ERBB4: variants seen among roughly 807,000 people sequenced by gnomAD.
ERBB4 encodes the protein receptor tyrosine-protein kinase erbB-4.
A neutral mutation model predicts 158.0 loss-of-function variants in ERBB4; 42 were observed. That is an observed-to-expected ratio of 0.27 (90% confidence interval 0.21 to 0.34). The LOEUF (loss-of-function observed/expected upper bound fraction) is 0.34, where lower values mean the gene tolerates loss of function less well. ERBB4 is among the 10% of genes least tolerant of loss of function. The pLI is 1.00. For synonymous variants in ERBB4, 583 were observed against 558.7 expected (o/e 1.04, Z -0.61); for missense variants, 1,333 against 1,624.1 (o/e 0.82, Z 3.08).
At chr2:212,505,687 A>G (rs916808921) in intron 1 of ERBB4, among the ~76,000 whole-genome samples, 4 of 148,856 alleles carry the variant, frequency 2.7e-5, no homozygotes, top group African/African-American at 7.3e-5. Flanking sequence ...GATTGCTGTA[A>G]AAGTAGGGGA....
chr2:212,376,671 T>C (rs908995476), intron 1 of ERBB4, among the ~76,000 whole-genome samples: 1 of 152,014 alleles, frequency 6.6e-6, no homozygotes, highest in African/African-American at 2.4e-5. Flanking sequence ...GGACACTCAT[T>C]TTCTTCAGTT....
chr2:212,101,184 G>C (rs2079070464), intron 2 of ERBB4, among the ~76,000 whole-genome samples: 1 of 151,738 alleles, frequency 6.6e-6, no homozygotes, highest in Non-Finnish European at 1.5e-5. Flanking sequence ...GAAATGATAT[G>C]TATATAATTT....
chr2:212,308,047 CA>C (rs1000142532), intron 1 of ERBB4, among the ~76,000 whole-genome samples: 2 of 150,294 alleles, frequency 1.3e-5, no homozygotes, highest in African/African-American at 4.9e-5. Context: ...TAATTCTCTC[CA>C]AAAAAAATTC....
At chr2:212,175,531 G>T (rs561978496) in intron 1 of ERBB4, among the ~76,000 whole-genome samples, 1 of 151,586 alleles carries the variant, frequency 6.6e-6, no homozygotes, top group Non-Finnish European at 1.5e-5. Context: ...AAAATATTTG[G>T]GTCCCAAAAC....
At chr2:211,759,845 T>A (rs1373962122) in intron 4 of ERBB4, among the ~76,000 whole-genome samples, 5 of 150,830 alleles carry the variant, frequency 3.3e-5, no homozygotes, top group African/African-American at 4.9e-5. Flanking sequence ...GTGTGTTGCA[T>A]TTTAACACGA....
chr2:211,594,280 A>G (rs985946660), intron 19 of ERBB4, among the ~76,000 whole-genome samples: 9 of 152,048 alleles, frequency 5.9e-5, no homozygotes, highest in Admixed American at 1.3e-4. Context: ...CTACTAAAAT[A>G]CAAAAGAAAT....
chr2:211,978,388 G>GTCTTTCTATCTATCTA (rs1230858327), intron 2 of ERBB4, among the ~76,000 whole-genome samples: 7 of 112,482 alleles, frequency 6.2e-5, no homozygotes, highest in East Asian at 2.4e-4. Context: ...CTGTCTGTCT[G>GTCTTTCTATCTATCTA]TCTGTCTGTC....
chr2:212,087,291 G>GA (rs11442275), intron 2 of ERBB4, among the ~76,000 whole-genome samples: 128,590 of 151,948 alleles, frequency 0.85, 55,999 homozygotes, highest in East Asian at 1. Context: ...CACTTCCACA[G>GA]AAAGCAAATA....
chr2:211,409,723 G>A (rs2063219428), intron 25 of ERBB4, among the ~76,000 whole-genome samples: 1 of 152,080 alleles, frequency 6.6e-6, no homozygotes, highest in Non-Finnish European at 1.5e-5. Context: ...TTGACCAGGG[G>A]TGGGGGGAAC....
chr2:211,420,421 T>C lies in ERBB4; in HGVS notation c.3135+20A>G, dbSNP rs763295228. The stretch of plus-strand genomic sequence containing the variant: ...TATATCTCAGAAAGAATATGATATG[T>C]GTATATAATTATTTCTTACCCTATT... On this transcript the variant is annotated intron_variant, in intron 25 of 27. Coordinates refer to ENST00000342788, the MANE Select transcript of ERBB4 (RefSeq NM_005235.3). The C allele has an allele frequency of 6.6e-7, 1 of 1,507,410 alleles. No homozygotes were observed. The highest frequency in any genetic ancestry group is 9.2e-7 in the Non-Finnish European group (1 of 1,084,932). The allele number at this position is 1,507,410 out of a possible 1,614,324, so 93.4% of individuals were successfully genotyped here.
At chr2:212,247,628 T>C (rs543245346) in intron 1 of ERBB4, among the ~76,000 whole-genome samples, 1 of 152,146 alleles carries the variant, frequency 6.6e-6, no homozygotes, top group South Asian at 2.1e-4. Context: ...AAAAAACTAG[T>C]TTGTTTTCTC....
intron 2 of ERBB4, among the ~76,000 whole-genome samples, chr2:212,003,322 TA>T (rs71054161): frequency 0.035 from 4,512 of 130,212 alleles, 80 homozygotes; most frequent in African/African-American, 0.049. Flanking sequence ...AGCTGAATGG[TA>T]AAAAAAAAAA....
chr2:211,484,312 T>C (rs1011395669), intron 20 of ERBB4, among the ~76,000 whole-genome samples: 1 of 151,900 alleles, frequency 6.6e-6, no homozygotes, highest in African/African-American at 2.4e-5. Context: ...ACACCAATGA[T>C]CACATTAAAT....
At chr2:212,161,305 T>A (rs2081195822) in intron 1 of ERBB4, among the ~76,000 whole-genome samples, 1 of 151,892 alleles carries the variant, frequency 6.6e-6, no homozygotes, top group South Asian at 2.1e-4. Flanking sequence ...CTATGAAGTG[T>A]CCCCATACTA....
At chr2:212,107,623 T>G (rs1401230000) in intron 2 of ERBB4, among the ~76,000 whole-genome samples, 1 of 152,156 alleles carries the variant, frequency 6.6e-6, no homozygotes. Context: ...TGTGAGGACA[T>G]GAGATTTGGG....
intron 20 of ERBB4, among the ~76,000 whole-genome samples, chr2:211,457,675 A>C (rs2064417811): frequency 6.6e-6 from 1 of 152,174 alleles, no homozygotes; most frequent in South Asian, 2.1e-4. Flanking sequence ...CTAACCCACA[A>C]GGTTAAGGAT....
intron 19 of ERBB4, among the ~76,000 whole-genome samples, chr2:211,580,801 T>TATATA (rs1553575754): frequency 3.5e-5 from 1 of 28,466 alleles, no homozygotes; most frequent in Non-Finnish European, 6.9e-5. Context: ...TATATATATA[T>TATATA]ATATATATAT....
In ERBB4 at chr2:212,286,599, T is replaced by TTTTTTTTTTTTTTG. The variant is rs1559928513; in HGVS notation, c.83-161697_83-161696insCAAAAAAAAAAAAA. On this transcript the variant is annotated intron_variant, in intron 1 of 27. Transcript: ENST00000342788. ...GATGATTACATAAGTGCTGACTTTT[T>TTTTTTTTTTTTTTG]TTTTTTTTTTTTTTTTTTTTTGACA... Among the ~76,000 whole-genome samples, 792 of 83,758 alleles carry TTTTTTTTTTTTTTG rather than the reference T, an allele frequency of 9.5e-3. 27 individuals are homozygous for TTTTTTTTTTTTTTG. Among genetic ancestry groups the TTTTTTTTTTTTTTG allele is most frequent in the African/African-American group, 0.05 (718 of 14,434 alleles). 54.9% of individuals were successfully genotyped at this position (83,758 alleles called of 152,430 possible).
intron 3 of ERBB4, among the ~76,000 whole-genome samples, chr2:211,895,796 A>C (rs2079083333): frequency 6.6e-6 from 1 of 152,160 alleles, no homozygotes. Flanking sequence ...GTAATCTGGC[A>C]CTTTACTCTT....
Sources: gnomAD v4.1 joint callset for allele counts (sites outside exome capture counted in the v4.1 genomes callset) on GRCh38, gnomAD v4.1.1 for gene constraint, MANE v1.5 for transcripts, NCBI Gene and HGNC (gene_info 2026-07-23, HGNC 2026-07-21) for gene names.